Variants in KLHL18 observed in about 807,000 individuals in gnomAD.
The protein encoded by KLHL18 is kelch-like protein 18.
A neutral mutation model predicts 58.5 loss-of-function variants in KLHL18; 38 were observed. The ratio of observed to expected loss-of-function variants is 0.65; its 90% CI spans 0.50 to 0.85. KLHL18 has a LOEUF of 0.85. Among genes scored for constraint, KLHL18 ranks in the 40% least tolerant of loss-of-function variants. The pLI, the probability that KLHL18 is intolerant of heterozygous loss-of-function variation, is 0.00. For synonymous variants in KLHL18, 303 were observed against 301.9 expected (o/e 1.00, Z -0.04); for missense variants, 624 against 778.4 (o/e 0.80, Z 2.36).
intron 1 of KLHL18, among the ~76,000 whole-genome samples, chr3:47,310,405 A>G (rs1015494227): frequency 6.6e-6 from 1 of 152,116 alleles, no homozygotes; most frequent in African/African-American, 2.4e-5. Flanking sequence ...TTGCTGATAG[A>G]TCCTCTACTA....
intron 7 of KLHL18, 52 bp downstream of exon 7, chr3:47,336,809 G>A (rs1219274042): frequency 7.0e-7 from 1 of 1,437,238 alleles, no homozygotes; most frequent in South Asian, 1.2e-5. Flanking sequence ...CACCTGGGGA[G>A]CGCCATGCTA....
chr3:47,343,470 G>A, intron 9 of KLHL18, 85 bp from the exon 10 acceptor site: 1 of 1,485,772 alleles, frequency 6.7e-7, no homozygotes, highest in East Asian at 2.3e-5. Flanking sequence ...GACATCATGG[G>A]GGGCTGCTGT....
At chr3:47,335,533 GTGTCACTCT>G (rs1703964750) in intron 6 of KLHL18, among the ~76,000 whole-genome samples, 1 of 152,064 alleles carries the variant, frequency 6.6e-6, no homozygotes, top group Non-Finnish European at 1.5e-5. Flanking sequence ...TTGAGATGGA[GTGTCACTCT>G]TGTCACTCAG....
At chr3:47,316,305 CA>C (rs939820704) in intron 1 of KLHL18, among the ~76,000 whole-genome samples, 4 of 151,542 alleles carry the variant, frequency 2.6e-5, no homozygotes, top group Non-Finnish European at 5.9e-5. Context: ...AGTTAGGATT[CA>C]AAATAGCATT....
At position 47,344,273 on chromosome 3, in the gene KLHL18, G is replaced by T; in HGVS notation, c.*332G>T. 2.8e-6 allele frequency: 1 copy of T among 361,802 alleles called. No individual in the cohort carries two copies. Among genetic ancestry groups the T allele is most frequent in the Non-Finnish European group, 5.1e-6 (1 of 197,948 alleles). The allele number at this position is 361,802 out of a possible 1,614,324, so 22.4% of individuals were successfully genotyped here. ...CTCTGTGGGCCAGCTGTTCACAGAA[G>T]GCCTTCCATCTGATGCTCCCCATCG... On this transcript the variant is annotated 3_prime_UTR_variant, in exon 10 of 10. Transcript: ENST00000232766.
At chr3:47,330,268 T>C in intron 4 of KLHL18, 119 bp downstream of exon 4, 2 of 857,014 alleles carry the variant, frequency 2.3e-6, no homozygotes, top group South Asian at 1.6e-5. Context: ...GGCTGTTGTA[T>C]ATTATTGGGC....
intron 1 of KLHL18, among the ~76,000 whole-genome samples, chr3:47,294,854 C>T (rs760322036): frequency 1.4e-4 from 22 of 152,146 alleles, no homozygotes; most frequent in Non-Finnish European, 2.6e-4. Flanking sequence ...CTTTCCCCTT[C>T]GGTTTAGGAG....
At position 47,346,793 on chromosome 3, in the gene KLHL18, GAAAT is replaced by G. The variant is rs1704233263; in HGVS notation, c.*2856_*2859del. The G allele has an allele frequency of 6.5e-6, 1 of 152,746 alleles. No homozygotes were observed. The highest frequency in any genetic ancestry group is 1.9e-4 in the East Asian group (1 of 5,192). 9.5% of individuals were successfully genotyped at this position (152,746 alleles called of 1,614,324 possible). On this transcript the variant is annotated 3_prime_UTR_variant, in exon 10 of 10. Transcript: ENST00000232766. ...GTCTTTTGTGTTAAGAAACCAAAGAGAAATAAAGAGAACACTCCTAATAGCTCTT... is the reference window on the plus strand; with the variant it reads ...GTCTTTTGTGTTAAGAAACCAAAGAGAAAGAGAACACTCCTAATAGCTCTT...
rs759741447 is a variant in KLHL18, at chr3:47,343,633, G to A, written c.1417G>A (p.Ala473Thr). 1.1e-5 allele frequency: 17 copies of A among 1,614,004 alleles called. No homozygotes were observed. The highest frequency in any genetic ancestry group is 4.5e-5 in the East Asian group (2 of 44,896). Residue 473 changes from alanine (A) to threonine (T), a missense_variant, in exon 10 of 10, where the codon GCC becomes ACC. Transcript: ENST00000232766. The part of the protein sequence containing the change: ...MLNKRCRHGA[A>T]SLGSKMFVCG... ...CAACAAGCGCTGCCGGCACGGAGCCGCCTCCCTGGGGAGCAAGATGTTTGT... is the reference window on the plus strand; with the variant it reads ...CAACAAGCGCTGCCGGCACGGAGCCACCTCCCTGGGGAGCAAGATGTTTGT...
At chr3:47,328,824 T>G (rs1703784715) in intron 3 of KLHL18, among the ~76,000 whole-genome samples, 1 of 152,106 alleles carries the variant, frequency 6.6e-6, no homozygotes, top group African/African-American at 2.4e-5. Context: ...TTGTTTCTGC[T>G]TGTCTGAACA....
chr3:47,343,235 A>T (rs1360290802), intron 9 of KLHL18, among the ~76,000 whole-genome samples: 1 of 152,262 alleles, frequency 6.6e-6, no homozygotes, highest in African/African-American at 2.4e-5. Flanking sequence ...ATAGTCAGTC[A>T]GTGCTGCAGT....
intron 2 of KLHL18, 92 bp downstream of exon 2, chr3:47,319,875 AGTGTCTAATAG>A: frequency 1.5e-6 from 2 of 1,308,632 alleles, no homozygotes; most frequent in Non-Finnish European, 2.2e-6. Context: ...AGCAGGACAC[AGTGTCTAATAG>A]CCTAGCTCTA....
chr3:47,345,215 C>T lies in KLHL18; in HGVS notation c.*1274C>T, dbSNP rs550166040. ...ACCATATGCACCTCTAGAACCTAAC[C>T]AGGGCTTCCTTCTACCAGCTGTGGG... On this transcript the variant is annotated 3_prime_UTR_variant, in exon 10 of 10. Transcript: ENST00000232766. 6.5e-6 allele frequency: 1 copy of T among 152,686 alleles called. No individual in the cohort carries two copies. Among genetic ancestry groups the T allele is most frequent in the South Asian group, 2.1e-4 (1 of 4,826 alleles). The allele number at this position is 152,686 out of a possible 1,614,324, so 9.5% of individuals were successfully genotyped here. A position where few individuals can be genotyped will look rare whatever the true frequency, so the allele number is the denominator to read the frequency against.
At chr3:47,309,476 T>C (rs2107609439) in intron 1 of KLHL18, among the ~76,000 whole-genome samples, 1 of 147,344 alleles carries the variant, frequency 6.8e-6, no homozygotes, top group Non-Finnish European at 1.5e-5. Context: ...GCAGAGGCGC[T>C]CCCCACAGCT....
Position 47,346,604 on chromosome 3 carries a change from CCTT to C in KLHL18, c.*2667_*2669del, listed in dbSNP as rs1272891793. On this transcript the variant is annotated 3_prime_UTR_variant, in exon 10 of 10. Coordinates refer to ENST00000232766, the MANE Select transcript of KLHL18 (RefSeq NM_025010.5). ...GCATTCACTGTCCTTGAGTGTTTCA[CCTT>C]CTTGGATAACACACGGGCCTTCTCT... The C allele has an allele frequency of 6.6e-6, 1 of 152,618 alleles. No homozygotes were observed. The highest frequency in any genetic ancestry group is 1.5e-5 in the Non-Finnish European group (1 of 68,060). The allele number at this position is 152,618 out of a possible 1,614,324, so 9.5% of individuals were successfully genotyped here.
intron 1 of KLHL18, chr3:47,283,497 G>T (rs1475710747): frequency 4.7e-6 from 1 of 212,990 alleles, no homozygotes; most frequent in African/African-American, 2.3e-5. Flanking sequence ...TGTGCCTGTC[G>T]AACTTGGCTG....
intron 1 of KLHL18, among the ~76,000 whole-genome samples, chr3:47,287,666 G>A (rs1181434971): frequency 6.6e-6 from 1 of 151,958 alleles, no homozygotes; most frequent in Non-Finnish European, 1.5e-5. Context: ...TTGAATTTTT[G>A]TAGAGACAGG....
rs1157157603 is a variant in KLHL18 at position 47,334,325 on chromosome 3, C to T, written c.762-358C>T. Among the ~76,000 whole-genome samples, 1 of 152,122 alleles carries T rather than the reference C, an allele frequency of 6.6e-6. No homozygotes were observed. Among genetic ancestry groups the T allele is most frequent in the Non-Finnish European group, 1.5e-5 (1 of 68,030 alleles). ...GTGGTGATTAATTGCAGGTTGCAAG[C>T]CACGGTGCAGTCGTAGGGATGGAAA... On this transcript the variant is annotated intron_variant, in intron 5 of 9. Coordinates refer to ENST00000232766, the MANE Select transcript of KLHL18 (RefSeq NM_025010.5). This position sits in a 1 kb window ranked among gnomAD's most constrained non-coding sequence, Gnocchi z 4.7.
At chr3:47,290,160 A>G (rs956623405) in intron 1 of KLHL18, among the ~76,000 whole-genome samples, 2 of 152,218 alleles carry the variant, frequency 1.3e-5, no homozygotes, top group African/African-American at 4.8e-5. Context: ...ACATCCTGTC[A>G]GATTATTCAC....
Sources: gnomAD v4.1 joint callset for allele counts (sites outside exome capture counted in the v4.1 genomes callset) on GRCh38, gnomAD v4.1.1 for gene constraint, Gnocchi (gnomAD v3.1) non-coding constraint, MANE v1.5 for transcripts, NCBI Gene and HGNC (gene_info 2026-07-23, HGNC 2026-07-21) for gene names.